Variants in UNC80 observed in about 807,000 individuals in gnomAD.
UNC80 encodes the protein unc-80 subunit of NALCN channel complex, also known as protein unc-80 homolog.
A neutral mutation model predicts 384.6 loss-of-function variants in UNC80; 164 were observed. The observed-to-expected ratio is 0.43, with a 90% CI of 0.38 to 0.49. UNC80 has a LOEUF of 0.49. Ranked by LOEUF, UNC80 falls within the 20% of genes least tolerant of loss-of-function variation. The pLI is 0.00. For missense variants in UNC80, 3,330 were observed against 4,143.0 expected, an observed-to-expected ratio of 0.80 and a Z score of 5.39; for synonymous variants, 1,486 against 1,527.8, an observed-to-expected ratio of 0.97 and a Z score of 0.64.
chr2:209,945,272 A>G, intron 46 of UNC80, 83 bp downstream of exon 46: 1 of 1,365,894 alleles, frequency 7.3e-7, no homozygotes, highest in East Asian at 2.6e-5. Flanking sequence ...ACATACACGT[A>G]TATTTATATG....
At chr2:209,978,237 C>T (rs1351576636) in intron 58 of UNC80, among the ~76,000 whole-genome samples, 1 of 152,216 alleles carries the variant, frequency 6.6e-6, no homozygotes, top group East Asian at 1.9e-4. Context: ...TCCTACCAAC[C>T]TTGGAAAATA....
chr2:209,813,719 C>T lies in UNC80; in HGVS notation c.1078C>T (p.Arg360Ter), dbSNP rs200659479. The T allele has an allele frequency of 3.9e-6, 6 of 1,551,580 alleles. No individual in the cohort carries two copies. Among genetic ancestry groups the T allele is most frequent in the African/African-American group, 1.4e-5 (1 of 72,990 alleles). The part of the protein sequence containing the change: ...WSLMYYLQRL[R>*]HMLEEKPEKP... ...TCTGATGTACTATCTACAAAGGCTG[C>T]GACACATGTTGGAAGAGAAGCCAGA... is the stretch of plus-strand genomic sequence containing the variant. The change falls in exon 8 of 65, where the codon CGA (arginine) becomes TGA (stop). Residue 360 changes from arginine to a stop codon, truncating the protein, a stop_gained. Transcript: ENST00000673920. LOFTEE classifies it high-confidence loss of function.
At chr2:209,794,845 A>G (rs1225087938) in intron 7 of UNC80, 1 of 450,838 alleles carries the variant, frequency 2.2e-6, no homozygotes, top group South Asian at 1.6e-5. Flanking sequence ...AGCCATGTGG[A>G]ACTGTAACTC....
chr2:209,862,352 G>A (rs1396497934), intron 22 of UNC80, among the ~76,000 whole-genome samples: 1 of 152,268 alleles, frequency 6.6e-6, no homozygotes, highest in East Asian at 1.9e-4. Flanking sequence ...TTGGTCCAGA[G>A]CTGAGTTCAA....
Position 209,776,160 on chromosome 2 carries a change from C to T in UNC80, c.298+115C>T, listed in dbSNP as rs554400137. 65 of 1,308,760 alleles carry T rather than the reference C, an allele frequency of 5.0e-5. No homozygotes were observed. The South Asian group carries it at 1.1e-3, about 23-fold the overall frequency. 81.1% of individuals were successfully genotyped at this position (1,308,760 alleles called of 1,614,324 possible). A position where few individuals can be genotyped will look rare whatever the true frequency, so the allele number is the denominator to read the frequency against. ...TTCTCAAGCACTGTGCATATATTAT[C>T]TCATTTAATTATCACAAAATCCTCC... On this transcript the variant is annotated intron_variant, in intron 3 of 64. Coordinates refer to ENST00000673920, the MANE Select transcript of UNC80 (RefSeq NM_001371986.1).
At chr2:209,917,058 T>G (rs544200070) in intron 31 of UNC80, among the ~76,000 whole-genome samples, 1 of 152,326 alleles carries the variant, frequency 6.6e-6, no homozygotes, top group South Asian at 2.1e-4. Context: ...ACCCCATTTC[T>G]TCTGGCACAA....
intron 43 of UNC80, among the ~76,000 whole-genome samples, chr2:209,940,275 G>C (rs1171132744): frequency 1.3e-5 from 2 of 152,126 alleles, no homozygotes. Flanking sequence ...CTGGAAAGGG[G>C]CAGAAGGGTG....
chr2:209,796,958 C>T (rs772186988), intron 7 of UNC80, among the ~76,000 whole-genome samples: 6 of 152,154 alleles, frequency 3.9e-5, no homozygotes, highest in Non-Finnish European at 8.8e-5. Context: ...GTCCCTTGTG[C>T]CCATCCCTTG....
intron 52 of UNC80, chr2:209,968,296 A>T (rs1187777917): frequency 6.6e-6 from 1 of 152,202 alleles, no homozygotes; most frequent in African/African-American, 2.4e-5. Context: ...TAGTGAGCAG[A>T]TAGTTCAACA....
intron 62 of UNC80, 49 bp downstream of exon 62, chr2:209,992,296 T>C: frequency 6.6e-7 from 1 of 1,514,958 alleles, no homozygotes; most frequent in Non-Finnish European, 9.0e-7. Context: ...AATTGGAAGC[T>C]CTGTGTGATT....
At position 209,995,367 on chromosome 2, in the gene UNC80, G is replaced by A; in HGVS notation, c.9747G>A (p.Glu3249=). ...NFPTEEGEKE[E]DTEAQGATAH... is the part of the protein sequence containing the mutation. ...CCACTGAAGAAGGAGAAAAGGAGGA[G>A]GACACAGAAGCACAAGGTGCTACTG... The change falls in exon 65 of 65, where the codon GAG becomes GAA. Residue 3249 remains glutamate, a synonymous_variant. Coordinates refer to ENST00000673920, the MANE Select transcript of UNC80 (RefSeq NM_001371986.1). The A allele has an allele frequency of 6.4e-7, 1 of 1,552,138 alleles. No homozygotes were observed. The highest frequency in any genetic ancestry group is 1.4e-5 in the African/African-American group (1 of 73,162).
chr2:209,986,469 C>CTACAAACCAGGACA (rs1167353231), intron 61 of UNC80, among the ~76,000 whole-genome samples: 2 of 152,308 alleles, frequency 1.3e-5, no homozygotes, highest in African/African-American at 4.8e-5. Context: ...GTTTTCTAAA[C>CTACAAACCAGGACA]CAATTCAGTG....
In UNC80 at chr2:209,943,498, C is replaced by G. The variant is rs2091754568; in HGVS notation, c.7034C>G (p.Pro2345Arg). 1 of 1,551,660 alleles carries G rather than the reference C, an allele frequency of 6.4e-7. No individual in the cohort carries two copies. The highest frequency in any genetic ancestry group is 8.7e-7 in the Non-Finnish European group (1 of 1,146,942). The part of the protein sequence containing the change: ...FVLQLFASVA[P>R]LLEFPDAANN... ...CTCCAGCTGTTTGCTAGTGTGGCCC[C>G]TCTCCTGGAATTTCCTGTAAGTAAG... The change falls in exon 45 of 65, where the codon CCT (proline) becomes CGT (arginine). Residue 2345 changes from proline to arginine, a missense_variant. This residue lies in a region of UNC80 where 1,049 missense variants were observed against 1,488.6 expected (regional missense o/e 0.70). Coordinates refer to ENST00000673920, the MANE Select transcript of UNC80 (RefSeq NM_001371986.1).
At chr2:209,972,914 T>C in intron 55 of UNC80, 150 bp from the exon 56 acceptor site, 2 of 682,076 alleles carry the variant, frequency 2.9e-6, no homozygotes, top group East Asian at 5.5e-5. Flanking sequence ...TTCTGTCCAT[T>C]GGTGAAGCTG....
chr2:209,884,337 G>T (rs2085580066), intron 25 of UNC80, among the ~76,000 whole-genome samples: 1 of 152,204 alleles, frequency 6.6e-6, no homozygotes, highest in African/African-American at 2.4e-5. Context: ...TAAAGAGGAA[G>T]GTGGTAAGGA....
At chr2:209,921,755 T>C (rs1020329930) in intron 34 of UNC80, 69 bp downstream of exon 34, 60 of 1,444,200 alleles carry the variant, frequency 4.2e-5, no homozygotes, top group Non-Finnish European at 5.1e-5. Context: ...GAAATTAACA[T>C]TGACAATTTT....
Position 209,881,173 on chromosome 2 carries a change from T to C in UNC80, c.4110+79T>C, listed in dbSNP as rs182986425. ...TGTCTGGGTTTCCAAGATTCACAGT[T>C]TTCTTAAATGTTCCATGGCTAGTGT... On this transcript the variant is annotated intron_variant, in intron 25 of 64. Transcript: ENST00000673920. 4.3e-4 allele frequency: 626 copies of C among 1,465,388 alleles called. 6 individuals carry two copies. The African/African-American group carries it at 7.3e-3, about 17-fold the overall frequency. 90.8% of individuals were successfully genotyped at this position (1,465,388 alleles called of 1,614,324 possible). A position where few individuals can be genotyped will look rare whatever the true frequency, so the allele number is the denominator to read the frequency against.
chr2:209,906,316 A>C (rs954230590), intron 29 of UNC80, among the ~76,000 whole-genome samples: 4 of 152,218 alleles, frequency 2.6e-5, no homozygotes, highest in Non-Finnish European at 5.9e-5. Flanking sequence ...ATAATACAAA[A>C]TATTCTTTAA....
chr2:209,807,662 C>G (rs1329445215), intron 7 of UNC80, among the ~76,000 whole-genome samples: 2 of 151,670 alleles, frequency 1.3e-5, no homozygotes, highest in Admixed American at 1.3e-4. Flanking sequence ...CACACCTGGC[C>G]TCCCTCATGT....
Sources: gnomAD v4.1 joint callset for allele counts (sites outside exome capture counted in the v4.1 genomes callset) on GRCh38, gnomAD v4.1.1 for gene constraint, gnomAD v4.1.1 regional missense constraint, MANE v1.5 for transcripts, NCBI Gene and HGNC (gene_info 2026-07-23, HGNC 2026-07-21) for gene names.